Variants in QKI observed in about 807,000 individuals in gnomAD.
QKI encodes the protein QKI, KH domain containing RNA binding, also known as KH domain-containing RNA-binding protein QKI.
Under a neutral mutation model 39.0 loss-of-function variants are expected in QKI, and 10 were observed. The observed-to-expected ratio is 0.26, with a 90% CI of 0.16 to 0.43. The LOEUF (loss-of-function observed/expected upper bound fraction) is 0.43, where lower values mean the gene tolerates loss of function less well. Among genes scored for constraint, QKI ranks in the 20% least tolerant of loss-of-function variants. The pLI, the probability that QKI is intolerant of heterozygous loss-of-function variation, is 1.00. For missense variants in QKI, 218 were observed against 428.0 expected, an observed-to-expected ratio of 0.51 and a Z score of 4.33; for synonymous variants, 204 against 155.4, an observed-to-expected ratio of 1.31 and a Z score of -2.33.
chr6:163,450,509 C>A (rs1444201255), intron 1 of QKI, among the ~76,000 whole-genome samples: 3 of 151,914 alleles, frequency 2.0e-5, no homozygotes, highest in Admixed American at 2.0e-4. Context: ...TACTTTAAAA[C>A]CTTTTAGTGA....
intron 3 of QKI, among the ~76,000 whole-genome samples, chr6:163,513,972 G>A (rs962700235): frequency 6.6e-6 from 1 of 151,990 alleles, no homozygotes; most frequent in Non-Finnish European, 1.5e-5. Context: ...AGGAGCCCAG[G>A]GCCAAGGTCC....
At chr6:163,566,972 G>T (rs545054345) in intron 7 of QKI, 177 bp downstream of exon 7, 187 of 1,367,248 alleles carry the variant, frequency 1.4e-4, no homozygotes, top group East Asian at 2.5e-4. Flanking sequence ...TTTTGGTTTG[G>T]TTTTTTCTCC....
intron 6 of QKI, chr6:163,564,851 C>CTG: frequency 6.8e-7 from 1 of 1,471,518 alleles, no homozygotes. Flanking sequence ...GACCTTGGTG[C>CTG]TGCATGCATG....
intron 3 of QKI, among the ~76,000 whole-genome samples, chr6:163,504,685 G>T (rs535356857): frequency 6.6e-6 from 1 of 152,232 alleles, no homozygotes; most frequent in East Asian, 1.9e-4. Context: ...ACTGATTTTT[G>T]TACATTGGTT....
intron 7 of QKI, chr6:163,569,924 A>G: frequency 1.0e-6 from 1 of 986,954 alleles, no homozygotes; most frequent in South Asian, 4.7e-5. Context: ...CAGTGTTTAC[A>G]TGCAAGTGCA....
chr6:163,569,855 TC>T (rs773025833), intron 7 of QKI: 59 of 987,826 alleles, frequency 6.0e-5, no homozygotes, highest in Non-Finnish European at 7.1e-5. Flanking sequence ...AGAAATTTCT[TC>T]TATTTTTTGA....
At chr6:163,434,107 T>TG (rs1222209640) in intron 1 of QKI, among the ~76,000 whole-genome samples, 1 of 152,054 alleles carries the variant, frequency 6.6e-6, no homozygotes, top group East Asian at 1.9e-4. Context: ...TGCTGGGTGC[T>TG]GGGGGGATAC....
At position 163,574,233 on chromosome 6, in the gene QKI, ATTTCT is replaced by A. The variant is rs1783854399; in HGVS notation, c.*3527_*3531del. The A allele has an allele frequency of 6.6e-6, 1 of 152,178 alleles. No individual in the cohort carries two copies. Among genetic ancestry groups the A allele is most frequent in the Non-Finnish European group, 1.5e-5 (1 of 68,038 alleles). 9.4% of individuals were successfully genotyped at this position (152,178 alleles called of 1,614,324 possible). On this transcript the variant is annotated 3_prime_UTR_variant, in exon 8 of 8. Coordinates refer to ENST00000361752, the MANE Select transcript of QKI (RefSeq NM_006775.3). ...AACCAGTTTGATTCTTTGTTGAACCATTTCTTTTAATTTCTGTAAATAAGTAATTT... is the reference window on the plus strand; with the variant it reads ...AACCAGTTTGATTCTTTGTTGAACCATTTAATTTCTGTAAATAAGTAATTT...
At chr6:163,543,914 T>C (rs1781699325) in intron 4 of QKI, among the ~76,000 whole-genome samples, 1 of 152,120 alleles carries the variant, frequency 6.6e-6, no homozygotes, top group Non-Finnish European at 1.5e-5. Flanking sequence ...ATTATACTGA[T>C]TCTTTGTTTT....
rs1048979325 is a variant in QKI, at chr6:163,572,489, T to C, written c.*1779T>C. ...TTAACTTTAAAAGAATGTGAAAAAC[T>C]AGCATCATAGTGCATATAAATACTC... On this transcript the variant is annotated 3_prime_UTR_variant, in exon 8 of 8. Transcript: ENST00000361752. 1 of 151,104 alleles carries C rather than the reference T, an allele frequency of 6.6e-6. No homozygotes were observed. Among genetic ancestry groups the C allele is most frequent in the Non-Finnish European group, 1.5e-5 (1 of 67,850 alleles). 9.4% of individuals were successfully genotyped at this position (151,104 alleles called of 1,614,324 possible).
chr6:163,568,370 T>A, intron 7 of QKI: 1 of 985,546 alleles, frequency 1.0e-6, no homozygotes, highest in South Asian at 4.7e-5. Context: ...GTTGGACATA[T>A]TTTAGGAAGA....
At chr6:163,459,778 T>C (rs1212851747) in intron 2 of QKI, among the ~76,000 whole-genome samples, 2 of 152,158 alleles carry the variant, frequency 1.3e-5, no homozygotes, top group Admixed American at 1.3e-4. Flanking sequence ...GAGTTCAGTC[T>C]TGTGTGAAGG....
rs1777685878 is a variant in QKI at position 163,578,167 on chromosome 6, C to T, written c.*7457C>T. ...CTCCTAAAATTGGGATGAAAATCTACTGTAGTCTGTTTTAAAGTATGCTAT... is the reference window on the plus strand; with the variant it reads ...CTCCTAAAATTGGGATGAAAATCTATTGTAGTCTGTTTTAAAGTATGCTAT... On this transcript the variant is annotated 3_prime_UTR_variant, in exon 8 of 8. Coordinates refer to ENST00000361752, the MANE Select transcript of QKI (RefSeq NM_006775.3). 6.8e-6 allele frequency: 1 copy of T among 146,138 alleles called. No homozygotes were observed. Among genetic ancestry groups the T allele is most frequent in the African/African-American group, 2.8e-5 (1 of 35,762 alleles). The allele number at this position is 146,138 out of a possible 1,614,324, so 9.1% of individuals were successfully genotyped here. A position where few individuals can be genotyped will look rare whatever the true frequency, so the allele number is the denominator to read the frequency against.
chr6:163,420,322 GTTTGA>G (rs957465695), intron 1 of QKI, among the ~76,000 whole-genome samples: 22 of 151,798 alleles, frequency 1.4e-4, no homozygotes, highest in African/African-American at 5.3e-4. Context: ...TAATACATTT[GTTTGA>G]TTTATTTGTT....
chr6:163,472,859 A>G (rs1792305240), intron 2 of QKI, among the ~76,000 whole-genome samples: 1 of 152,298 alleles, frequency 6.6e-6, no homozygotes, highest in Admixed American at 6.5e-5. Context: ...TTAGAGGTAT[A>G]TGTAAAGCTT....
chr6:163,439,189 A>G (rs1047479382), intron 1 of QKI, among the ~76,000 whole-genome samples: 1 of 152,220 alleles, frequency 6.6e-6, no homozygotes, highest in Non-Finnish European at 1.5e-5. Flanking sequence ...CTGATACCAC[A>G]GAAAGATAGG....
intron 1 of QKI, among the ~76,000 whole-genome samples, chr6:163,434,628 T>C (rs2128212307): frequency 6.6e-6 from 1 of 151,652 alleles, no homozygotes. Flanking sequence ...GGCAGGAAAA[T>C]GGTGTGAACC....
chr6:163,553,046 CT>C lies in QKI; in HGVS notation c.547-8924del, dbSNP rs991718758. On this transcript the variant is annotated intron_variant, in intron 4 of 7. Coordinates refer to ENST00000361752, the MANE Select transcript of QKI (RefSeq NM_006775.3). ...TTTAGATAGTCATAATTTTCAGGTT[CT>C]TTTTTTTTTTTAATTTTTATTTATT... Among the ~76,000 whole-genome samples, 676 of 135,066 alleles carry C rather than the reference CT, an allele frequency of 5.0e-3. 2 individuals are homozygous for C. The highest frequency in any genetic ancestry group is 7.2e-3 in the Middle Eastern group (2 of 278). 88.6% of individuals were successfully genotyped at this position (135,066 alleles called of 152,430 possible).
intron 3 of QKI, among the ~76,000 whole-genome samples, chr6:163,508,622 T>C (rs112163443): frequency 0.013 from 1,919 of 151,108 alleles, 45 homozygotes; most frequent in African/African-American, 0.044. Context: ...CTCCACCTCC[T>C]GAGCTCAAGC....
Sources: gnomAD v4.1 joint callset for allele counts (sites outside exome capture counted in the v4.1 genomes callset) on GRCh38, gnomAD v4.1.1 for gene constraint, MANE v1.5 for transcripts, NCBI Gene and HGNC (gene_info 2026-07-23, HGNC 2026-07-21) for gene names.